The following CLEC16A variants were observed in gnomAD, a reference collection of about 807,000 sequenced individuals.
CLEC16A encodes the protein C-type lectin domain containing 16A, also known as protein CLEC16A.
Under a neutral mutation model 109.5 loss-of-function variants are expected in CLEC16A, and 51 were observed. The ratio of observed to expected loss-of-function variants is 0.47; its 90% CI spans 0.37 to 0.59. CLEC16A has a LOEUF of 0.59. CLEC16A is among the 20% of genes least tolerant of loss of function. The pLI, the probability that CLEC16A is intolerant of heterozygous loss-of-function variation, is 0.00. For missense variants in CLEC16A, 1,339 were observed against 1,394.0 expected (o/e 0.96, Z 0.63); for synonymous variants, 673 against 564.2 (o/e 1.19, Z -2.73).
intron 11 of CLEC16A, among the ~76,000 whole-genome samples, chr16:11,015,599 A>T (rs916594116): frequency 2.6e-5 from 4 of 152,144 alleles, no homozygotes; most frequent in African/African-American, 9.7e-5. Flanking sequence ...CTGTGGTGGG[A>T]TGCCCTGGAA....
chr16:10,957,632 G>A (rs1477960416), intron 1 of CLEC16A, 150 bp from the exon 2 acceptor site: 1 of 736,312 alleles, frequency 1.4e-6, no homozygotes, highest in South Asian at 1.8e-5. Context: ...TTCTGGGGTT[G>A]TGAGTTACAT....
chr16:11,135,559 T>C (rs193075636), intron 22 of CLEC16A, among the ~76,000 whole-genome samples: 254 of 152,334 alleles, frequency 1.7e-3, no homozygotes, highest in Non-Finnish European at 1.8e-3. Flanking sequence ...CTTCACTCTT[T>C]GGGGTCATTA....
At chr16:10,985,220 A>AATATATATATATAT (rs57265284) in intron 10 of CLEC16A, among the ~76,000 whole-genome samples, 4 of 104,082 alleles carry the variant, frequency 3.8e-5, no homozygotes, top group South Asian at 3.2e-4. Flanking sequence ...AAAAAAAAAA[A>AATATATATATATAT]ATATATATAT....
chr16:10,988,097 C>G (rs1178448281), intron 10 of CLEC16A, among the ~76,000 whole-genome samples: 1 of 152,236 alleles, frequency 6.6e-6, no homozygotes, highest in Non-Finnish European at 1.5e-5. Context: ...GATAGTGTTT[C>G]TTGTGTGGGG....
intron 13 of CLEC16A, among the ~76,000 whole-genome samples, chr16:11,028,438 G>A (rs2046548500): frequency 6.6e-6 from 1 of 151,754 alleles, no homozygotes; most frequent in Non-Finnish European, 1.5e-5. Context: ...CCAAGCCCAA[G>A]GACATAATTG....
At chr16:11,003,970 CAA>C (rs962482634) in intron 11 of CLEC16A, among the ~76,000 whole-genome samples, 16 of 57,960 alleles carry the variant, frequency 2.8e-4, no homozygotes, top group Middle Eastern at 8.8e-3. Context: ...CCTGTCTCTA[CAA>C]AAAAAAAAAA....
At chr16:11,148,107 A>C (rs1269288074) in intron 22 of CLEC16A, among the ~76,000 whole-genome samples, 1 of 152,200 alleles carries the variant, frequency 6.6e-6, no homozygotes, top group African/African-American at 2.4e-5. Context: ...CCTCAGATTC[A>C]TGATTTCTGG....
chr16:11,065,852 G>A (rs1383330868), intron 19 of CLEC16A, among the ~76,000 whole-genome samples: 3 of 152,240 alleles, frequency 2.0e-5, no homozygotes, highest in East Asian at 1.9e-4. Context: ...AGAAACTTGG[G>A]TGGCTGGCAC....
In CLEC16A at chr16:10,984,046, C is replaced by G. The variant is rs144971475; in HGVS notation, c.1071+1055C>G. Among the ~76,000 whole-genome samples, 7 of 152,112 alleles carry G rather than the reference C, an allele frequency of 4.6e-5. No individual in the cohort carries two copies. In the East Asian group the frequency reaches 1.4e-3, roughly 30 times the overall value. ...GAGCATAGTGCGTTTTATACAAGGG[C>G]TGTTTCATAAAGGTTTCCTCTCTGC... On this transcript the variant is annotated intron_variant, in intron 10 of 23. Transcript: ENST00000409790.
rs997930737 is a variant in CLEC16A at position 11,040,335 on chromosome 16, T to C, written c.1660+459T>C. On this transcript the variant is annotated intron_variant, in intron 14 of 23. Coordinates refer to ENST00000409790, the MANE Select transcript of CLEC16A (RefSeq NM_015226.3). ...GTATGGAAACAGGTAGGAGTGAGAA[T>C]GCGCTTGGAGAAAAACTCACTTGGA... 1.8e-5 allele frequency: 3 copies of C among 162,190 alleles called. No homozygotes were observed. In the South Asian group the frequency reaches 5.0e-4, roughly 27 times the overall value. 10.0% of individuals were successfully genotyped at this position (162,190 alleles called of 1,614,324 possible). A position where few individuals can be genotyped will look rare whatever the true frequency, so the allele number is the denominator to read the frequency against.
chr16:10,968,916 T>C (rs1341273438), intron 3 of CLEC16A, among the ~76,000 whole-genome samples: 2 of 152,148 alleles, frequency 1.3e-5, no homozygotes, highest in Non-Finnish European at 2.9e-5. Flanking sequence ...AGTGTCTTTT[T>C]TTTATTTGGT....
intron 19 of CLEC16A, among the ~76,000 whole-genome samples, chr16:11,096,061 C>A (rs774035135): frequency 8.5e-5 from 13 of 152,150 alleles, no homozygotes; most frequent in Non-Finnish European, 1.3e-4. Context: ...AGGCCAGATA[C>A]CATGGCTCAC....
At position 10,957,686 on chromosome 16, in the gene CLEC16A, T is replaced by C. The variant is rs115221210; in HGVS notation, c.81-96T>C. On this transcript the variant is annotated intron_variant, in intron 1 of 23. Coordinates refer to ENST00000409790, the MANE Select transcript of CLEC16A (RefSeq NM_015226.3). ...TGCATTACCCAAACCTGAAAAAGCA[T>C]TGCTGCATTGTCTCCAAAATATTGC... is the stretch of plus-strand genomic sequence containing the variant. The C allele has an allele frequency of 5.3e-4, 672 of 1,276,750 alleles. 4 individuals carry two copies. In the African/African-American group the frequency reaches 8.2e-3, roughly 15 times the overall value. The allele number at this position is 1,276,750 out of a possible 1,614,324, so 79.1% of individuals were successfully genotyped here. A position where few individuals can be genotyped will look rare whatever the true frequency, so the allele number is the denominator to read the frequency against.
chr16:11,144,693 A>G (rs1398244271), intron 22 of CLEC16A, among the ~76,000 whole-genome samples: 1 of 152,220 alleles, frequency 6.6e-6, no homozygotes, highest in Non-Finnish European at 1.5e-5. Context: ...CCCAACATCC[A>G]GGCCTAACCC....
chr16:10,971,043 C>T, intron 4 of CLEC16A, 82 bp from the exon 5 acceptor site: 17 of 596,908 alleles, frequency 2.8e-5, no homozygotes, highest in South Asian at 7.3e-5. Context: ...TCTGAAGTCT[C>T]TGATGGAATT....
chr16:11,009,201 T>C (rs995609925), intron 11 of CLEC16A, among the ~76,000 whole-genome samples: 6 of 152,224 alleles, frequency 3.9e-5, no homozygotes, highest in African/African-American at 1.4e-4. Context: ...CTTTTGTGCC[T>C]GGCTTGCATC....
At chr16:10,958,839 G>A (rs1389295848) in intron 2 of CLEC16A, among the ~76,000 whole-genome samples, 2 of 152,182 alleles carry the variant, frequency 1.3e-5, no homozygotes, top group Admixed American at 1.3e-4. Context: ...AGGAGGTCCA[G>A]GCTGCAATGA....
At chr16:11,115,073 C>A (rs745337852) in intron 19 of CLEC16A, among the ~76,000 whole-genome samples, 1 of 152,090 alleles carries the variant, frequency 6.6e-6, no homozygotes, top group Non-Finnish European at 1.5e-5. Flanking sequence ...GTCTTTCTTC[C>A]GCTGAAGCCC....
intron 6 of CLEC16A, 72 bp from the exon 7 acceptor site, chr16:10,972,866 T>C (rs1359134773): frequency 3.1e-5 from 45 of 1,473,986 alleles, no homozygotes; most frequent in Non-Finnish European, 4.0e-5. Context: ...GCTTTGTTTT[T>C]GTTTTTTTTT....
Sources: allele counts gnomAD v4.1 joint callset (sites outside exome capture counted in the v4.1 genomes callset), GRCh38; gene constraint gnomAD v4.1.1; transcripts MANE v1.5; gene names NCBI Gene and HGNC (gene_info 2026-07-23, HGNC 2026-07-21).